Variants in PDE3B observed in about 807,000 individuals in gnomAD.
The protein encoded by PDE3B is cGMP-inhibited 3',5'-cyclic phosphodiesterase 3B.
PDE3B carries 66 observed loss-of-function variants against 116.8 expected under a neutral mutation model. The observed-to-expected ratio is 0.56, with a 90% confidence interval of 0.46 to 0.69. PDE3B has a LOEUF of 0.69. Among genes scored for constraint, PDE3B ranks in the 30% least tolerant of loss-of-function variants. The pLI, the probability that PDE3B is intolerant of heterozygous loss-of-function variation, is 0.00. For missense variants in PDE3B, 1,384 were observed against 1,368.1 expected (o/e 1.01, Z -0.18); for synonymous variants, 595 against 533.6 (o/e 1.12, Z -1.59).
chr11:14,806,762 G>C (rs1858941349), intron 5 of PDE3B, among the ~76,000 whole-genome samples: 1 of 150,048 alleles, frequency 6.7e-6, no homozygotes, highest in Admixed American at 6.6e-5. Context: ...GGGAGGCTGA[G>C]GCAGGAGAAT....
intron 12 of PDE3B, among the ~76,000 whole-genome samples, chr11:14,853,653 T>C (rs1847797565): frequency 6.6e-6 from 1 of 152,244 alleles, no homozygotes; most frequent in South Asian, 2.1e-4. Context: ...GACAGTAGCA[T>C]ATAATACCAC....
chr11:14,889,370 G>A, the PDE3B span, among the ~76,000 whole-genome samples: 8 of 152,120 alleles, frequency 5.3e-5, no homozygotes, highest in Non-Finnish European at 2.9e-5. Context: ...ATATCTCTAA[G>A]ATAATGGGAG....
chr11:14,749,149 A>G (rs979972666), intron 1 of PDE3B, among the ~76,000 whole-genome samples: 1 of 152,166 alleles, frequency 6.6e-6, no homozygotes, highest in Admixed American at 6.5e-5. Context: ...TCGGCTTCCC[A>G]AAGTGCTGGG....
chr11:14,774,293 GA>G (rs1857723813), intron 2 of PDE3B: 1 of 152,136 alleles, frequency 6.6e-6, no homozygotes, highest in Non-Finnish European at 1.5e-5. Flanking sequence ...AGCCTCTTAA[GA>G]CACTCTGAAC....
chr11:14,726,745 G>T (rs1856316233), intron 1 of PDE3B, among the ~76,000 whole-genome samples: 1 of 152,190 alleles, frequency 6.6e-6, no homozygotes, highest in Non-Finnish European at 1.5e-5. Flanking sequence ...TTAACCATTG[G>T]ATTTGCAAAG....
In PDE3B at chr11:14,869,728, A is replaced by G; in HGVS notation, c.*68A>G. 1 of 1,316,922 alleles carries G rather than the reference A, an allele frequency of 7.6e-7. No individual in the cohort carries two copies. Among genetic ancestry groups the G allele is most frequent in the East Asian group, 2.4e-5 (1 of 42,210 alleles). 81.6% of individuals were successfully genotyped at this position (1,316,922 alleles called of 1,614,324 possible). On this transcript the variant is annotated 3_prime_UTR_variant, in exon 16 of 16. Transcript: ENST00000282096. ...AGGGTTGTGCCCAGGGGCAGAAATC[A>G]TTGCCTAGTGTTCACCGGCTGACTC...
intron 2 of PDE3B, chr11:14,774,526 C>T (rs1857729873): frequency 6.6e-6 from 1 of 152,198 alleles, no homozygotes; most frequent in Non-Finnish European, 1.5e-5. Flanking sequence ...ACCATTGCTA[C>T]CTTTTGCCGT....
intron 5 of PDE3B, among the ~76,000 whole-genome samples, chr11:14,816,487 T>C (rs1043387717): frequency 3.3e-5 from 5 of 152,228 alleles, no homozygotes; most frequent in African/African-American, 1.2e-4. Flanking sequence ...CTGCTTTAGT[T>C]TGAGGCACTC....
At chr11:14,890,452 TC>T in the PDE3B span, 2 of 982,626 alleles carry the variant, frequency 2.0e-6, no homozygotes, top group Non-Finnish European at 2.4e-6. Flanking sequence ...TCGTCCAGCT[TC>T]CCTTTAACAA....
the PDE3B span, among the ~76,000 whole-genome samples, chr11:14,882,855 G>C: frequency 6.6e-6 from 1 of 152,098 alleles, no homozygotes; most frequent in Non-Finnish European, 1.5e-5. Context: ...CAAAACCAAT[G>C]TACAAAAATC....
intron 14 of PDE3B, among the ~76,000 whole-genome samples, chr11:14,863,015 C>T (rs1847978939): frequency 6.6e-6 from 1 of 152,056 alleles, no homozygotes; most frequent in South Asian, 2.1e-4. Flanking sequence ...AGGTATTTCT[C>T]CTAATGCTAT....
chr11:14,810,060 T>C (rs1244829008), intron 5 of PDE3B, among the ~76,000 whole-genome samples: 1 of 152,100 alleles, frequency 6.6e-6, no homozygotes, highest in Non-Finnish European at 1.5e-5. Flanking sequence ...ATTTAGGTGT[T>C]CAAAATGGGA....
chr11:14,738,737 C>G (rs1467303611), intron 1 of PDE3B, among the ~76,000 whole-genome samples: 1 of 152,144 alleles, frequency 6.6e-6, no homozygotes, highest in East Asian at 1.9e-4. Context: ...GGTTTTAGGT[C>G]TTACGCTTAA....
chr11:14,666,967 A>G (rs1056571892), intron 1 of PDE3B, among the ~76,000 whole-genome samples: 3 of 150,986 alleles, frequency 2.0e-5, no homozygotes, highest in East Asian at 1.9e-4. Context: ...TCATGCTGCT[A>G]TAAAGACACA....
intron 13 of PDE3B, among the ~76,000 whole-genome samples, chr11:14,860,948 G>C (rs962200912): frequency 6.6e-6 from 1 of 151,562 alleles, no homozygotes. Flanking sequence ...TATAATTCAT[G>C]ATTCTTTGTG....
rs200839391 is a variant in PDE3B at position 14,786,552 on chromosome 11, G to A, written c.1145G>A (p.Ser382Asn). 3.7e-6 allele frequency: 6 copies of A among 1,613,158 alleles called. No individual in the cohort carries two copies. The highest frequency in any genetic ancestry group is 2.7e-5 in the African/African-American group (2 of 74,834). ...CCACAAGTCATTTCCTCTCTACGGA[G>A]TATTAGTAGCTTAATGGGTGCTTTC... The part of the protein sequence containing the change: ...LPPQVISSLR[S>N]ISSLMGAFSG... Residue 382 changes from serine to asparagine, a missense_variant, in exon 3 of 16, where the codon AGT (serine) becomes AAT (asparagine). Around this residue, in one of 2 missense-constraint regions of PDE3B, gnomAD observed 956 missense variants for 806.8 expected, o/e 1.18. Coordinates refer to ENST00000282096, the MANE Select transcript of PDE3B (RefSeq NM_000922.4).
At chr11:14,764,256 T>C (rs1857436055) in intron 1 of PDE3B, among the ~76,000 whole-genome samples, 1 of 152,126 alleles carries the variant, frequency 6.6e-6, no homozygotes, top group Admixed American at 6.6e-5. Context: ...GAAATAACCT[T>C]GATCTCTCTC....
chr11:14,786,421 C>T lies in PDE3B; in HGVS notation c.1030-16C>T, dbSNP rs1362999509. 10 of 1,601,738 alleles carry T rather than the reference C, an allele frequency of 6.2e-6. No homozygotes were observed. The Admixed American group carries it at 8.5e-5, about 14-fold the overall frequency. ...CATGTACAAATGAATGAAAATTTCACTTTTTTTCTTTCTAGAATTCTGGAG... is the reference window on the plus strand; with the variant it reads ...CATGTACAAATGAATGAAAATTTCATTTTTTTTCTTTCTAGAATTCTGGAG... On this transcript the variant is annotated splice_polypyrimidine_tract_variant and intron_variant, in intron 2 of 15. Coordinates refer to ENST00000282096, the MANE Select transcript of PDE3B (RefSeq NM_000922.4).
intron 2 of PDE3B, among the ~76,000 whole-genome samples, chr11:14,782,279 C>CA (rs1256077633): frequency 4.6e-5 from 7 of 152,070 alleles, no homozygotes; most frequent in African/African-American, 1.7e-4. Context: ...CATGTGGAAC[C>CA]AAAAAAGAGC....
Sources: gnomAD v4.1 joint callset for allele counts (sites outside exome capture counted in the v4.1 genomes callset) on GRCh38, gnomAD v4.1.1 for gene constraint, gnomAD v4.1.1 regional missense constraint, MANE v1.5 for transcripts, NCBI Gene and HGNC (gene_info 2026-07-23, HGNC 2026-07-21) for gene names.